The following MACF1 variants were observed in gnomAD, a reference collection of about 807,000 sequenced individuals.
The protein encoded by MACF1 is microtubule actin crosslinking factor 1, also known as microtubule-actin cross-linking factor 1.
In MACF1, 193 loss-of-function variants were observed where a neutral mutation model predicts 854.8. The observed-to-expected ratio is 0.23, with a 90% confidence interval of 0.20 to 0.25. MACF1 has a LOEUF of 0.25. MACF1 is among the 10% of genes least tolerant of loss of function. The pLI, the probability that MACF1 is intolerant of heterozygous loss-of-function variation, is 1.00. For missense variants in MACF1, 7,722 were observed against 8,929.1 expected (o/e 0.86, Z 5.45); for synonymous variants, 3,185 against 3,226.7 (o/e 0.99, Z 0.44).
chr1:39,347,235 TCA>T lies in MACF1; in HGVS notation c.10815+26_10815+27del, dbSNP rs780932660. On this transcript the variant is annotated intron_variant, in intron 41 of 100. Transcript: ENST00000564288. ...GGTCAGACTGAACCAGCAGCTGGGC[TCA>T]GTTTGTCTTTGGGGATGTCCTCTGT... The T allele has an allele frequency of 9.1e-5, 141 of 1,546,966 alleles. 1 individual carries two copies. Among genetic ancestry groups the T allele is most frequent in the Non-Finnish European group, 2.0e-5 (22 of 1,120,482 alleles).
chr1:39,326,026 G>C (rs1304833132), intron 35 of MACF1, among the ~76,000 whole-genome samples: 1 of 152,084 alleles, frequency 6.6e-6, no homozygotes, highest in East Asian at 1.9e-4. Context: ...GATTGATTTG[G>C]GGTTGGGCTT....
rs11206073 is a variant in MACF1 at position 39,432,972 on chromosome 1, A to G, written c.17458-76A>G. 6,978 of 915,986 alleles carry G rather than the reference A, an allele frequency of 7.6e-3. 303 individuals are homozygous for G. The African/African-American group carries it at 0.1, about 13-fold the overall frequency. The allele number at this position is 915,986 out of a possible 1,614,324, so 56.7% of individuals were successfully genotyped here. On this transcript the variant is annotated intron_variant, in intron 67 of 100. Coordinates refer to ENST00000564288, the MANE Select transcript of MACF1 (RefSeq NM_001394062.1). Reference sequence around the variant, plus strand: ...GAACAATTTTTGATGTGGCTTTTTCATAGATTTTGTCTTAACCTTTAGTAA... The same window carrying G: ...GAACAATTTTTGATGTGGCTTTTTCGTAGATTTTGTCTTAACCTTTAGTAA...
chr1:39,180,024 A>AT (rs1414841072), intron 2 of MACF1, among the ~76,000 whole-genome samples: 1 of 151,530 alleles, frequency 6.6e-6, no homozygotes, highest in Non-Finnish European at 1.5e-5. Context: ...CAAAAATGAA[A>AT]TTTTAAAAAA....
intron 31 of MACF1, among the ~76,000 whole-genome samples, chr1:39,320,216 C>G (rs1411124938): frequency 6.6e-6 from 1 of 152,138 alleles, no homozygotes; most frequent in Non-Finnish European, 1.5e-5. Flanking sequence ...CCTCTATTTC[C>G]CTAGTTCACA....
chr1:39,105,523 T>A lies in MACF1; in HGVS notation c.220+21085T>A. 1 of 1,022,472 alleles carries A rather than the reference T, an allele frequency of 9.8e-7. No individual in the cohort carries two copies. Among genetic ancestry groups the A allele is most frequent in the African/African-American group, 1.7e-5 (1 of 57,380 alleles). The allele number at this position is 1,022,472 out of a possible 1,614,324, so 63.3% of individuals were successfully genotyped here. On this transcript the variant is annotated intron_variant, in intron 2 of 93. Coordinates refer to the MACF1 transcript ENST00000361689. This position sits in a 1 kb window ranked among gnomAD's most constrained non-coding sequence, Gnocchi z 5.9. The stretch of plus-strand genomic sequence containing the variant: ...AGAGCGAGGGCGCCGTCGCCGTCTC[T>A]GAGACGCACAAAGGGTCGAGGCTGG...
intron 28 of MACF1, 65 bp downstream of exon 28, chr1:39,316,594 A>G (rs1204353343): frequency 1.6e-5 from 25 of 1,521,140 alleles, no homozygotes; most frequent in Non-Finnish European, 2.0e-5. Context: ...TTAGCAGAGA[A>G]ATGCAATTTT....
At chr1:39,085,275 T>G (rs1641643514) in intron 2 of MACF1, among the ~76,000 whole-genome samples, 1 of 152,198 alleles carries the variant, frequency 6.6e-6, no homozygotes, top group South Asian at 2.1e-4. Context: ...TTAGCACAGT[T>G]TTTGGCTCAA....
intron 58 of MACF1, among the ~76,000 whole-genome samples, chr1:39,393,737 A>G (rs1254777048): frequency 6.6e-6 from 1 of 151,760 alleles, no homozygotes; most frequent in Non-Finnish European, 1.5e-5. Context: ...TGATCCTAGG[A>G]CGTTGACGCT....
At chr1:39,306,610 CT>C (rs35360749) in intron 23 of MACF1, among the ~76,000 whole-genome samples, 104,358 of 124,256 alleles carry the variant, frequency 0.84, 44,840 homozygotes, top group South Asian at 0.94. Context: ...ACCATTCTAT[CT>C]TTTTTTTTTT....
rs1452300845 is a variant in MACF1, at chr1:39,333,725, G to A, written c.7137G>A (p.Gln2379=). The A allele has an allele frequency of 6.2e-7, 1 of 1,614,064 alleles. No individual in the cohort carries two copies. The highest frequency in any genetic ancestry group is 8.5e-7 in the Non-Finnish European group (1 of 1,180,036). Residue 2379 remains glutamine, a synonymous_variant, in exon 37 of 101, where the codon CAG becomes CAA. Transcript: ENST00000564288. ...AISGVLDPRT[Q]TLCSVKDAVT... Reference sequence around the variant, plus strand: ...GTGGTGTCTTAGACCCCCGTACCCAGACACTGTGCTCTGTAAAGGATGCAG... The same window carrying A: ...GTGGTGTCTTAGACCCCCGTACCCAAACACTGTGCTCTGTAAAGGATGCAG...
chr1:39,181,558 T>C (rs1381126738), intron 2 of MACF1, among the ~76,000 whole-genome samples: 1 of 152,076 alleles, frequency 6.6e-6, no homozygotes. Context: ...GGCAAGCTGC[T>C]CCTGAAATTC....
intron 6 of MACF1, among the ~76,000 whole-genome samples, chr1:39,279,599 G>T (rs1645504519): frequency 6.6e-6 from 1 of 152,034 alleles, no homozygotes; most frequent in Non-Finnish European, 1.5e-5. Context: ...TGTTTTCTCT[G>T]CCCCAACACC....
In MACF1 at chr1:39,084,940, T is replaced by C. The variant is rs1641632084; in HGVS notation, c.220+502T>C. Among the ~76,000 whole-genome samples the C allele has an allele frequency of 6.6e-6, 1 of 152,202 alleles. No homozygotes were observed. The highest frequency in any genetic ancestry group is 2.4e-5 in the African/African-American group (1 of 41,458). On this transcript the variant is annotated intron_variant, in intron 2 of 93. Coordinates refer to the MACF1 transcript ENST00000361689. The surrounding 1 kb of genome is among the most constrained non-coding windows in gnomAD (Gnocchi z 5.2). ...TTTGACTTCTGTTATTTCCTTATAA[T>C]GAAATCCTTGGAGAGTACAGTTTTA... is the stretch of plus-strand genomic sequence containing the variant.
intron 72 of MACF1, among the ~76,000 whole-genome samples, chr1:39,440,667 C>T (rs1644096618): frequency 6.6e-6 from 1 of 152,100 alleles, no homozygotes; most frequent in Non-Finnish European, 1.5e-5. Context: ...GTGACTTGTA[C>T]TGTGTTATTT....
chr1:39,166,817 G>C (rs1342098250), intron 2 of MACF1, among the ~76,000 whole-genome samples: 2 of 151,966 alleles, frequency 1.3e-5, no homozygotes, highest in Non-Finnish European at 2.9e-5. Flanking sequence ...TGAGGGGTGG[G>C]GTGGGGAGAG....
intron 58 of MACF1, among the ~76,000 whole-genome samples, chr1:39,393,196 A>AAAAAAATATATAT (rs57576149): frequency 3.0e-5 from 2 of 66,576 alleles, no homozygotes; most frequent in African/African-American, 1.7e-4. Flanking sequence ...AAAAAAAAAA[A>AAAAAAATATATAT]ATATATATAT....
intron 86 of MACF1, 23 bp downstream of exon 86, chr1:39,452,373 A>T: frequency 6.2e-7 from 1 of 1,605,768 alleles, no homozygotes; most frequent in Non-Finnish European, 8.5e-7. Context: ...TGCTGTCCCA[A>T]CCCAAGGGAT....
chr1:39,161,775 G>T (rs976043383), intron 2 of MACF1, among the ~76,000 whole-genome samples: 1 of 152,084 alleles, frequency 6.6e-6, no homozygotes, highest in Admixed American at 6.6e-5. Flanking sequence ...GCTGAGGCAG[G>T]AGAATGGTGT....
chr1:39,316,642 A>T, intron 28 of MACF1, 113 bp downstream of exon 28: 1 of 990,542 alleles, frequency 1.0e-6, no homozygotes, highest in South Asian at 2.1e-5. Context: ...CATTTGAATA[A>T]GGCAGAATGT....
Sources: gnomAD v4.1 joint callset for allele counts (sites outside exome capture counted in the v4.1 genomes callset) on GRCh38, gnomAD v4.1.1 for gene constraint, Gnocchi (gnomAD v3.1) non-coding constraint, MANE v1.5 for transcripts, NCBI Gene and HGNC (gene_info 2026-07-23, HGNC 2026-07-21) for gene names.